Variants in CEP85L observed in about 807,000 individuals in gnomAD.
CEP85L encodes centrosomal protein 85L.
CEP85L carries 60 observed loss-of-function variants against 100.3 expected under a neutral mutation model. The observed-to-expected ratio is 0.60, with a 90% CI of 0.49 to 0.74. CEP85L has a LOEUF of 0.74. Among genes scored for constraint, CEP85L ranks in the 30% least tolerant of loss-of-function variants. The pLI is 0.00. For synonymous variants in CEP85L, 319 were observed against 322.7 expected (o/e 0.99, Z 0.12); for missense variants, 973 against 936.2 (o/e 1.04, Z -0.51).
At chr6:118,508,308 T>C (rs1775777856) in intron 5 of CEP85L, among the ~76,000 whole-genome samples, 1 of 152,054 alleles carries the variant, frequency 6.6e-6, no homozygotes. Context: ...GATGCAACAA[T>C]GAAACTTAAT....
At chr6:118,668,600 G>A (rs1776203124) in intron 1 of CEP85L, among the ~76,000 whole-genome samples, 1 of 152,102 alleles carries the variant, frequency 6.6e-6, no homozygotes, top group Non-Finnish European at 1.5e-5. Context: ...TTATCCTTAT[G>A]TACTTTCAGT....
chr6:118,466,940 C>T (rs570421252), intron 12 of CEP85L, among the ~76,000 whole-genome samples: 1 of 152,158 alleles, frequency 6.6e-6, no homozygotes, highest in African/African-American at 2.4e-5. Context: ...GATGACAGAA[C>T]TGATAGCACT....
At position 118,600,300 on chromosome 6, in the gene CEP85L, G is replaced by GGGTGTGTGTGTGTGT. The variant is rs1562297733; in HGVS notation, c.232+32152_232+32153insACACACACACACACC. 6.5e-4 allele frequency among the ~76,000 whole-genome samples: 34 copies of GGGTGTGTGTGTGTGT among 52,234 alleles called. 8 individuals carry two copies. Among genetic ancestry groups the GGGTGTGTGTGTGTGT allele is most frequent in the Non-Finnish European group, 8.9e-4 (22 of 24,784 alleles). The allele number at this position is 52,234 out of a possible 152,430, so 34.3% of individuals were successfully genotyped here. A position where few individuals can be genotyped will look rare whatever the true frequency, so the allele number is the denominator to read the frequency against. On this transcript the variant is annotated intron_variant, in intron 2 of 12. Coordinates refer to ENST00000368491, the MANE Select transcript of CEP85L (RefSeq NM_001042475.3). ...CTGCCTGTCCCTGAGCCTTCCTGGG[G>GGGTGTGTGTGTGTGT]GTGTGTGTGTGTGTGTGTGTGTGTG...
intron 2 of CEP85L, among the ~76,000 whole-genome samples, chr6:118,601,090 A>G (rs560504654): frequency 6.6e-6 from 1 of 152,270 alleles, no homozygotes; most frequent in East Asian, 1.9e-4. Context: ...GAACATATAC[A>G]CTTTATGTAA....
At chr6:118,641,767 A>G (rs1047402665) in intron 1 of CEP85L, among the ~76,000 whole-genome samples, 1 of 152,222 alleles carries the variant, frequency 6.6e-6, no homozygotes, top group East Asian at 1.9e-4. Flanking sequence ...AGTATAAACA[A>G]ACAAGAAAAT....
chr6:118,573,051 A>T (rs1780002271), intron 2 of CEP85L, among the ~76,000 whole-genome samples: 1 of 152,146 alleles, frequency 6.6e-6, no homozygotes, highest in Admixed American at 6.5e-5. Context: ...AACAAGAGTG[A>T]TACTCCGTCT....
intron 3 of CEP85L, among the ~76,000 whole-genome samples, chr6:118,524,276 C>A (rs1178649466): frequency 6.6e-6 from 1 of 152,170 alleles, no homozygotes; most frequent in African/African-American, 2.4e-5. Context: ...AACCCCATCT[C>A]TACTAAAAAT....
At chr6:118,581,650 T>C (rs745930405) in intron 2 of CEP85L, among the ~76,000 whole-genome samples, 18 of 152,202 alleles carry the variant, frequency 1.2e-4, no homozygotes, top group Middle Eastern at 6.8e-3. Flanking sequence ...TGCCCCCTAC[T>C]GTTTTCTTCT....
Position 118,483,862 on chromosome 6 carries a change from A to C in CEP85L, c.1438-4T>G. 5 of 1,611,146 alleles carry C rather than the reference A, an allele frequency of 3.1e-6. No homozygotes were observed. The highest frequency in any genetic ancestry group is 4.2e-6 in the Non-Finnish European group (5 of 1,179,092). On this transcript the variant is annotated splice_region_variant and splice_polypyrimidine_tract_variant and intron_variant, in intron 6 of 12. Coordinates refer to ENST00000368491, the MANE Select transcript of CEP85L (RefSeq NM_001042475.3). Reference sequence around the variant, plus strand: ...TGTATCGATCTCTAGTTTTAAGCTAAAAGCAAACAATTATGAACCTTCAGT... The same window carrying C: ...TGTATCGATCTCTAGTTTTAAGCTACAAGCAAACAATTATGAACCTTCAGT...
rs71012391 is a variant in CEP85L at position 118,542,900 on chromosome 6, C to CAAAAAAAAAAAAAAAAAAAAA, written c.1021-19001_1021-18981dup. On this transcript the variant is annotated intron_variant, in intron 3 of 12. Transcript: ENST00000368491. ...GAACTTCAACATCACCAAGTTTTCC[C>CAAAAAAAAAAAAAAAAAAAAA]AAAAAAAAAAAAAAAAAAAAAAACA... Among the ~76,000 whole-genome samples the CAAAAAAAAAAAAAAAAAAAAA allele has an allele frequency of 6.6e-4, 44 of 67,146 alleles. 4 individuals are homozygous for CAAAAAAAAAAAAAAAAAAAAA. The highest frequency in any genetic ancestry group is 9.8e-4 in the Non-Finnish European group (34 of 34,554). 44.1% of individuals were successfully genotyped at this position (67,146 alleles called of 152,430 possible).
intron 4 of CEP85L, among the ~76,000 whole-genome samples, chr6:118,512,517 C>A (rs958003112): frequency 2.6e-5 from 4 of 152,120 alleles, no homozygotes; most frequent in Non-Finnish European, 4.4e-5. Flanking sequence ...TAGCAACATC[C>A]AGAGACATTT....
chr6:118,623,529 A>G (rs950127905), intron 2 of CEP85L, among the ~76,000 whole-genome samples: 35 of 152,328 alleles, frequency 2.3e-4, no homozygotes, highest in African/African-American at 7.5e-4. Flanking sequence ...TATCACCTTC[A>G]CTGTGCCTGG....
In CEP85L at chr6:118,633,270, T is replaced by C. The variant is rs369345342; in HGVS notation, c.74-659A>G. Among the ~76,000 whole-genome samples, 8 of 151,416 alleles carry C rather than the reference T, an allele frequency of 5.3e-5. No homozygotes were observed. In the East Asian group the frequency reaches 1.5e-3, roughly 29 times the overall value. On this transcript the variant is annotated intron_variant, in intron 1 of 12. Transcript: ENST00000368491. Reference sequence around the variant, plus strand: ...GGCTGGGTGGAGTGCAGTGGCGCGATCTCTGCTCACTGTAAGCGCTGCCTC... The same window carrying C: ...GGCTGGGTGGAGTGCAGTGGCGCGACCTCTGCTCACTGTAAGCGCTGCCTC...
rs563405180 is a variant in CEP85L at position 118,640,773 on chromosome 6, G to A, written c.74-8162C>T. On this transcript the variant is annotated intron_variant, in intron 1 of 12. Transcript: ENST00000368491. ...TCGAACTCCTGACCTCAAGTGATCC[G>A]CCTGCTCAGCCTCCCAAAGTACTGG... Among the ~76,000 whole-genome samples the A allele has an allele frequency of 1.9e-4, 29 of 152,080 alleles. 1 individual carries two copies. The highest frequency in any genetic ancestry group is 1.8e-3 in the Admixed American group (28 of 15,266).
At chr6:118,601,348 T>C (rs999749845) in intron 2 of CEP85L, among the ~76,000 whole-genome samples, 5 of 152,234 alleles carry the variant, frequency 3.3e-5, no homozygotes, top group Non-Finnish European at 7.3e-5. Flanking sequence ...AGTCTACTTT[T>C]TGAGAAGGAA....
intron 3 of CEP85L, among the ~76,000 whole-genome samples, chr6:118,533,006 C>A (rs1777378302): frequency 6.6e-6 from 1 of 151,804 alleles, no homozygotes; most frequent in Non-Finnish European, 1.5e-5. Flanking sequence ...TAAAGCAGTA[C>A]TGAGAAGGAA....
At chr6:118,510,543 A>G (rs1431937643) in intron 5 of CEP85L, among the ~76,000 whole-genome samples, 1 of 152,164 alleles carries the variant, frequency 6.6e-6, no homozygotes, top group African/African-American at 2.4e-5. Flanking sequence ...TCTTTTATAT[A>G]GACCTACTAG....
intron 2 of CEP85L, among the ~76,000 whole-genome samples, chr6:118,574,481 GTTC>G (rs1257254527): frequency 2.6e-5 from 4 of 152,150 alleles, no homozygotes; most frequent in Non-Finnish European, 5.9e-5. Flanking sequence ...CTGAGTGCTG[GTTC>G]TTCTTTGTAG....
intron 2 of CEP85L, among the ~76,000 whole-genome samples, chr6:118,602,440 G>C (rs545290739): frequency 6.6e-6 from 1 of 152,298 alleles, no homozygotes; most frequent in South Asian, 2.1e-4. Context: ...GGGGTTGCTA[G>C]CTGATTGCAA....
Sources: allele counts gnomAD v4.1 joint callset (sites outside exome capture counted in the v4.1 genomes callset), GRCh38; gene constraint gnomAD v4.1.1; transcripts MANE v1.5; gene names NCBI Gene and HGNC (gene_info 2026-07-23, HGNC 2026-07-21).